ADGRG4: variants seen among roughly 807,000 people sequenced by gnomAD.
ADGRG4 encodes the protein adhesion G protein-coupled receptor G4, also known as G protein-coupled receptor 112.
Under a neutral mutation model 126.2 loss-of-function variants are expected in ADGRG4, and 122 were observed. The observed-to-expected ratio is 0.97, with a 90% CI of 0.83 to 1.12. The LOEUF (loss-of-function observed/expected upper bound fraction) is 1.12. ADGRG4 is among the 50% of genes most tolerant of loss of function. The pLI, the probability that ADGRG4 is intolerant of heterozygous loss-of-function variation, is 0.00. For missense variants in ADGRG4, 2,481 were observed against 2,251.8 expected (o/e 1.10, Z -2.06); for synonymous variants, 943 against 838.7 (o/e 1.12, Z -2.15).
intron 4 of ADGRG4, among the ~76,000 whole-genome samples, chrX:136,313,825 G>A (rs2074788937): frequency 1.8e-5 from 2 of 111,644 alleles, no homozygotes; most frequent in East Asian, 5.6e-4. Flanking sequence ...GTGCTTTTGA[G>A]TTGGTCTATC....
In ADGRG4 at chrX:136,349,445, C is replaced by T. The variant is rs774475338; in HGVS notation, c.5739C>T (p.His1913=). The T allele has an allele frequency of 5.8e-6, 7 of 1,208,002 alleles. No individual in the cohort carries two copies. The highest frequency in any genetic ancestry group is 4.3e-5 in the Admixed American group (2 of 45,989). ...TSNEMETETL[H]LVPGPLSTFT... ...ATGAGATGGAAACAGAGACTCTACACCTTGTTCCTGGGCCTTTGTCAACAT... is the reference window on the plus strand; with the variant it reads ...ATGAGATGGAAACAGAGACTCTACATCTTGTTCCTGGGCCTTTGTCAACAT... Residue 1913 remains histidine (H), a synonymous_variant, in exon 6 of 26, where the codon CAC becomes CAT. Transcript: ENST00000394143.
At chrX:136,318,373 G>A (rs983755318) in intron 4 of ADGRG4, among the ~76,000 whole-genome samples, 1 of 112,044 alleles carries the variant, frequency 8.9e-6, no homozygotes, top group Non-Finnish European at 1.9e-5. Context: ...CCAGGGGCTG[G>A]AGGGGAGGGG....
At chrX:136,312,203 C>T (rs1569533350) in intron 4 of ADGRG4, among the ~76,000 whole-genome samples, 3 of 112,613 alleles carry the variant, frequency 2.7e-5, no homozygotes, top group African/African-American at 9.7e-5. Context: ...TTAATAGCTA[C>T]AGGTGGCTGG....
At chrX:136,309,783 G>T (rs1305185048) in intron 4 of ADGRG4, among the ~76,000 whole-genome samples, 1 of 111,648 alleles carries the variant, frequency 9.0e-6, no homozygotes, top group Non-Finnish European at 1.9e-5. Flanking sequence ...CTAAAAAGTT[G>T]ATTTATTTTT....
Position 136,347,444 on chromosome X carries a change from G to T in ADGRG4, c.3738G>T (p.Gln1246His). The change falls in exon 6 of 26, where the codon CAG (glutamine) becomes CAT (histidine). Residue 1246 changes from glutamine (Q) to histidine (H), a missense_variant. Coordinates refer to ENST00000394143, the MANE Select transcript of ADGRG4 (RefSeq NM_153834.4). ...GTGTACACACACCAGTGTCCATCCA[G>T]TTGGTGACTAGCACCTCTGTCTTAT... is the stretch of plus-strand genomic sequence containing the variant. ...TYRVHTPVSI[Q>H]LVTSTSVLSS... 1 of 1,208,586 alleles carries T rather than the reference G, an allele frequency of 8.3e-7. No individual in the cohort carries two copies. The highest frequency in any genetic ancestry group is 1.1e-6 in the Non-Finnish European group (1 of 892,545).
rs550520275 is a variant in ADGRG4 at position 136,357,314 on chromosome X, T to C, written c.6928-390T>C. Among the ~76,000 whole-genome samples, 10 of 111,959 alleles carry C rather than the reference T, an allele frequency of 8.9e-5. No homozygotes were observed. In the South Asian group the frequency reaches 3.3e-3, roughly 37 times the overall value. The stretch of plus-strand genomic sequence containing the variant: ...TGGAAGGATAAAATGAGATCATCTA[T>C]GTTAAGTGTTTAACACTGGGCTTAG... On this transcript the variant is annotated intron_variant, in intron 9 of 25. Coordinates refer to ENST00000394143, the MANE Select transcript of ADGRG4 (RefSeq NM_153834.4).
chrX:136,319,760 A>G (rs1374046171), intron 4 of ADGRG4, among the ~76,000 whole-genome samples: 3 of 108,389 alleles, frequency 2.8e-5, no homozygotes, highest in African/African-American at 1.0e-4. Context: ...TCATCTATCT[A>G]TTATCTATTA....
chrX:136,383,786 TACTG>T (rs1201897154), intron 15 of ADGRG4, among the ~76,000 whole-genome samples: 1 of 111,423 alleles, frequency 9.0e-6, no homozygotes, highest in Non-Finnish European at 1.9e-5. Flanking sequence ...TTTAATTGTT[TACTG>T]ACTCTTTAAT....
At chrX:136,399,360 C>CTT (rs1281064913) in intron 20 of ADGRG4, among the ~76,000 whole-genome samples, 1 of 111,862 alleles carries the variant, frequency 8.9e-6, no homozygotes, top group East Asian at 2.8e-4. Flanking sequence ...GGGGGTAATA[C>CTT]TTTTTTTATT....
rs751383773 is a variant in ADGRG4 at position 136,416,442 on chromosome X, T to C, written c.9206-12T>C. On this transcript the variant is annotated splice_polypyrimidine_tract_variant and intron_variant, in intron 25 of 25. Transcript: ENST00000394143. ...GCCGCAGCTGAAAATTTTCTTTTTT[T>C]CTTTACTGCAGATGACTTTGACAAA... The C allele has an allele frequency of 8.4e-7, 1 of 1,194,190 alleles. No individual in the cohort carries two copies. The highest frequency in any genetic ancestry group is 3.0e-5 in the East Asian group (1 of 33,407).
chrX:136,334,023 T>C (rs1034493092), intron 5 of ADGRG4, among the ~76,000 whole-genome samples: 2 of 111,415 alleles, frequency 1.8e-5, no homozygotes, highest in Non-Finnish European at 3.8e-5. Flanking sequence ...CTGTGGTCCA[T>C]TTTGAGTCAA....
intron 16 of ADGRG4, among the ~76,000 whole-genome samples, chrX:136,388,596 T>G (rs957208059): frequency 8.9e-6 from 1 of 111,970 alleles, no homozygotes; most frequent in African/African-American, 3.2e-5. Context: ...GCTTGGCACA[T>G]AAGTACCATG....
chrX:136,384,394 A>G (rs2148488897), intron 15 of ADGRG4, among the ~76,000 whole-genome samples: 1 of 112,222 alleles, frequency 8.9e-6, no homozygotes, highest in African/African-American at 3.2e-5. Context: ...ACACAAGAAG[A>G]TTATAAACTT....
intron 19 of ADGRG4, among the ~76,000 whole-genome samples, chrX:136,397,545 A>G (rs1465096630): frequency 4.7e-5 from 4 of 85,956 alleles, no homozygotes; most frequent in Non-Finnish European, 8.6e-5. Flanking sequence ...TGAGATGCTC[A>G]GTTCAGATAA....
In ADGRG4 at chrX:136,350,271, C is replaced by T; in HGVS notation, c.6565C>T (p.Pro2189Ser). ...LNIMTTTSTV[P>S]GASFPLISTG... ...TATAATGACTACTACATCCACTGTT[C>T]CTGGAGCCTCATTTCCACTCATATC... The change falls in exon 6 of 26, where the codon CCT becomes TCT. Residue 2189 changes from proline (P) to serine (S), a missense_variant. Pro to Ser is a moderately conservative substitution (Grantham distance 74). Coordinates refer to ENST00000394143, the MANE Select transcript of ADGRG4 (RefSeq NM_153834.4). The T allele has an allele frequency of 1.7e-6, 2 of 1,209,957 alleles. No homozygotes were observed. The highest frequency in any genetic ancestry group is 2.2e-6 in the Non-Finnish European group (2 of 893,820).
rs2075061983 is a variant in ADGRG4, at chrX:136,351,428, T to C, written c.6728-19T>C. 2.6e-5 allele frequency: 24 copies of C among 926,052 alleles called. No individual in the cohort carries two copies. The highest frequency in any genetic ancestry group is 3.6e-5 in the Non-Finnish European group (24 of 674,614). The allele number at this position is 926,052 out of a possible 1,213,427, so 76.3% of individuals were successfully genotyped here. A position where few individuals can be genotyped will look rare whatever the true frequency, so the allele number is the denominator to read the frequency against. On this transcript the variant is annotated intron_variant, in intron 6 of 25. Transcript: ENST00000394143. ...TTGAACTAAATGAATAAAATTAACC[T>C]CCTTATTTTTAATTACAGTTTCCTT...
rs750086198 is a variant in ADGRG4, at chrX:136,345,639, G to T, written c.1933G>T (p.Ala645Ser). ...AGGTCCCACATCCACAACTGATGAA[G>T]CTGCCCATCTGTTCTCCAGCAATGA... Reference protein sequence around the residue: ...ESGPTSTTDEAAHLFSSNETI... With the variant: ...ESGPTSTTDESAHLFSSNETI... Residue 645 changes from alanine (A) to serine (S), a missense_variant, in exon 6 of 26, where the codon GCT becomes TCT. Transcript: ENST00000394143. 8.3e-7 allele frequency: 1 copy of T among 1,208,838 alleles called. No homozygotes were observed. Among genetic ancestry groups the T allele is most frequent in the Admixed American group, 2.2e-5 (1 of 45,629 alleles).
At chrX:136,303,092 G>A (rs969757527) in intron 1 of ADGRG4, among the ~76,000 whole-genome samples, 2 of 111,887 alleles carry the variant, frequency 1.8e-5, no homozygotes, top group East Asian at 5.6e-4. Context: ...AGGCCAAGGT[G>A]AGACGGTTGC....
chrX:136,355,452 T>C (rs1428662612), intron 8 of ADGRG4, among the ~76,000 whole-genome samples: 1 of 111,480 alleles, frequency 9.0e-6, no homozygotes, highest in Non-Finnish European at 1.9e-5. Flanking sequence ...GTATAAAACA[T>C]TCTTTTTAAA....
Sources: gnomAD v4.1 joint callset for allele counts (sites outside exome capture counted in the v4.1 genomes callset) on GRCh38, gnomAD v4.1.1 for gene constraint, MANE v1.5 for transcripts, NCBI Gene and HGNC (gene_info 2026-07-23, HGNC 2026-07-21) for gene names.